PHTF2: variants seen among roughly 807,000 people sequenced by gnomAD.
PHTF2 encodes putative homeodomain transcription factor 2, also known as protein PHTF2.
In PHTF2, 60 loss-of-function variants were observed where a neutral mutation model predicts 101.2. The observed-to-expected ratio is 0.59, with a 90% CI of 0.48 to 0.73. The LOEUF (loss-of-function observed/expected upper bound fraction) is 0.73. Ranked by LOEUF, PHTF2 falls within the 30% of genes least tolerant of loss-of-function variation. The probability of loss-of-function intolerance (pLI) is 0.00; values close to 1 mark genes in which losing one functional copy is unlikely to be tolerated. For missense variants in PHTF2, 747 were observed against 908.7 expected, an observed-to-expected ratio of 0.82 and a Z score of 2.29; for synonymous variants, 311 against 307.3, an observed-to-expected ratio of 1.01 and a Z score of -0.13.
intron 3 of PHTF2, among the ~76,000 whole-genome samples, chr7:77,878,468 G>A (rs558822913): frequency 5.9e-5 from 9 of 152,234 alleles, no homozygotes; most frequent in Non-Finnish European, 1.2e-4. Flanking sequence ...GGGAGTAGGA[G>A]CAACTGGGGA....
intron 19 of PHTF2, 22 bp from the exon 19 acceptor site, chr7:77,954,836 A>C (rs763028796): frequency 7.1e-7 from 1 of 1,415,722 alleles, no homozygotes; most frequent in Admixed American, 1.9e-5. Context: ...GCTTGTCACC[A>C]CTTCTATTTT....
chr7:77,838,693 G>A (rs997947618), intron 1 of PHTF2, among the ~76,000 whole-genome samples: 2 of 152,048 alleles, frequency 1.3e-5, no homozygotes, highest in Non-Finnish European at 2.9e-5. Context: ...GAGAAATTCC[G>A]TGACTTATTC....
In PHTF2 at chr7:77,922,731, C is replaced by T. The variant is rs369408811; in HGVS notation, c.1072C>T (p.Leu358Phe). ...TGTGGACAGGACTTCTGAAGGTGTT[C>T]TTCGGAATAGAAAGTCACACCATTA... The change falls in exon 11 of 20, where the codon CTT becomes TTT. Residue 358 changes from leucine (L) to phenylalanine (F), a missense_variant. Transcript: ENST00000416283. 14 of 1,607,474 alleles carry T rather than the reference C, an allele frequency of 8.7e-6. No homozygotes were observed. The highest frequency in any genetic ancestry group is 2.7e-5 in the African/African-American group (2 of 74,834).
At chr7:77,865,204 A>G (rs1379038671) in intron 3 of PHTF2, among the ~76,000 whole-genome samples, 1 of 151,906 alleles carries the variant, frequency 6.6e-6, no homozygotes, top group Admixed American at 6.6e-5. Context: ...TCCATTTAAC[A>G]ATAATTACCT....
At chr7:77,859,682 G>C (rs966686547) in intron 3 of PHTF2, among the ~76,000 whole-genome samples, 3 of 151,490 alleles carry the variant, frequency 2.0e-5, no homozygotes, top group African/African-American at 7.3e-5. Flanking sequence ...TCCCGCCTCA[G>C]CCTCTGGAGT....
At chr7:77,938,742 A>G (rs1805380271) in intron 13 of PHTF2, among the ~76,000 whole-genome samples, 1 of 152,224 alleles carries the variant, frequency 6.6e-6, no homozygotes, top group Non-Finnish European at 1.5e-5. Context: ...ACGCCACTGC[A>G]CTCCAGCCTG....
intron 11 of PHTF2, chr7:77,923,704 G>A (rs540942589): frequency 1.0e-6 from 1 of 985,326 alleles, no homozygotes; most frequent in African/African-American, 1.7e-5. Context: ...AACCAAGCTT[G>A]TAAAATTTTG....
exon 18 of PHTF2, chr7:77,951,630 T>C: frequency 7.1e-7 from 1 of 1,404,298 alleles, no homozygotes; most frequent in South Asian, 1.3e-5. Flanking sequence ...AACCTCTACT[T>C]GAAAATGGAG....
chr7:77,871,212 GT>G (rs1798489024), intron 3 of PHTF2, among the ~76,000 whole-genome samples: 2 of 152,080 alleles, frequency 1.3e-5, no homozygotes, highest in African/African-American at 4.8e-5. Flanking sequence ...GGCTGTTGTA[GT>G]TTCCCATTGA....
At chr7:77,936,871 G>A (rs1404634591) in intron 12 of PHTF2, among the ~76,000 whole-genome samples, 2 of 151,548 alleles carry the variant, frequency 1.3e-5, no homozygotes, top group African/African-American at 2.4e-5. Flanking sequence ...GGGGCTGGGC[G>A]CAGTGGTTCA....
chr7:77,946,142 C>T (rs1461002208), intron 16 of PHTF2, among the ~76,000 whole-genome samples: 2 of 152,112 alleles, frequency 1.3e-5, no homozygotes, highest in Non-Finnish European at 2.9e-5. Flanking sequence ...GCCTGGAATG[C>T]AGATTTCAAC....
chr7:77,877,697 A>C (rs1344710760), intron 3 of PHTF2, among the ~76,000 whole-genome samples: 1 of 152,182 alleles, frequency 6.6e-6, no homozygotes, highest in African/African-American at 2.4e-5. Context: ...TTCTGCTTCT[A>C]CTTTTCACCA....
chr7:77,921,165 T>C (rs947087286), intron 10 of PHTF2, among the ~76,000 whole-genome samples: 7 of 152,268 alleles, frequency 4.6e-5, no homozygotes, highest in African/African-American at 1.7e-4. Context: ...TTGTTTTTCC[T>C]GCATTCATTA....
intron 2 of PHTF2, among the ~76,000 whole-genome samples, chr7:77,850,433 A>C (rs1796661376): frequency 6.8e-6 from 1 of 146,714 alleles, no homozygotes; most frequent in South Asian, 2.2e-4. Context: ...TGAACCCAGG[A>C]GTTCAAGAGC....
intron 5 of PHTF2, among the ~76,000 whole-genome samples, chr7:77,897,042 C>T (rs1377587807): frequency 4.6e-5 from 7 of 152,124 alleles, no homozygotes; most frequent in Non-Finnish European, 8.8e-5. Context: ...TTCTGATTAC[C>T]GTGACCAAAA....
chr7:77,836,118 T>TAAAAAA (rs1795442499), intron 1 of PHTF2, among the ~76,000 whole-genome samples: 1 of 51,286 alleles, frequency 1.9e-5, no homozygotes, highest in African/African-American at 1.2e-4. Context: ...AAACTCCATC[T>TAAAAAA]CAAAAAAAAA....
At chr7:77,844,520 A>T (rs2150591498) in intron 2 of PHTF2, among the ~76,000 whole-genome samples, 1 of 152,146 alleles carries the variant, frequency 6.6e-6, no homozygotes, top group East Asian at 1.9e-4. Flanking sequence ...TGAATAAGTT[A>T]TTCTTTTGTT....
chr7:77,875,783 T>G (rs1798893281), intron 3 of PHTF2, among the ~76,000 whole-genome samples: 1 of 152,054 alleles, frequency 6.6e-6, no homozygotes, highest in South Asian at 2.1e-4. Context: ...GGTCTTGATC[T>G]CCTGACCTCG....
rs562908923 is a variant in PHTF2, at chr7:77,879,247, C to T, written c.148-14361C>T. Among the ~76,000 whole-genome samples the T allele has an allele frequency of 2.6e-4, 40 of 152,234 alleles. No individual in the cohort carries two copies. In the South Asian group the frequency reaches 4.8e-3, roughly 18 times the overall value. Reference sequence around the variant, plus strand: ...ATAACTTCTTAGAGGCAGATTCTACCGTAATCATAGTGTTACTAGCATTGA... The same window carrying T: ...ATAACTTCTTAGAGGCAGATTCTACTGTAATCATAGTGTTACTAGCATTGA... On this transcript the variant is annotated intron_variant, in intron 3 of 19. Coordinates refer to ENST00000416283, the Ensembl canonical transcript of PHTF2.
Sources: gnomAD v4.1 joint callset for allele counts (sites outside exome capture counted in the v4.1 genomes callset) on GRCh38, gnomAD v4.1.1 for gene constraint, MANE v1.5 for transcripts, NCBI Gene and HGNC (gene_info 2026-07-23, HGNC 2026-07-21) for gene names.